The following FAF1 variants were observed in gnomAD, a reference collection of about 807,000 sequenced individuals.
FAF1 encodes the protein Fas associated factor 1.
A neutral mutation model predicts 92.5 loss-of-function variants in FAF1; 25 were observed. That is an observed-to-expected ratio of 0.27 (90% CI 0.20 to 0.38). The LOEUF (loss-of-function observed/expected upper bound fraction) is 0.38, where lower values mean the gene tolerates loss of function less well. Ranked by LOEUF, FAF1 falls within the 10% of genes least tolerant of loss-of-function variation. FAF1 has a pLI of 1.00. For missense variants in FAF1, 636 were observed against 793.3 expected (o/e 0.80, Z 2.38); for synonymous variants, 234 against 273.2 (o/e 0.86, Z 1.42).
chr1:50,507,332 G>C (rs913088876), intron 15 of FAF1, among the ~76,000 whole-genome samples: 16 of 152,160 alleles, frequency 1.1e-4, no homozygotes, highest in Non-Finnish European at 2.4e-4. Context: ...TGCCCCCAAA[G>C]CTAAATTGAT....
At chr1:50,470,695 A>G (rs1231270741) in intron 18 of FAF1, 1 of 152,304 alleles carries the variant, frequency 6.6e-6, no homozygotes, top group East Asian at 1.9e-4. Flanking sequence ...TATAACGCTT[A>G]CCACAACCCT....
intron 3 of FAF1, among the ~76,000 whole-genome samples, chr1:50,800,741 T>C (rs1166816961): frequency 6.6e-6 from 1 of 152,216 alleles, no homozygotes; most frequent in Non-Finnish European, 1.5e-5. Flanking sequence ...TCCTGATGTT[T>C]CTGCAAGAGT....
At chr1:50,915,547 T>C (rs906508825) in intron 1 of FAF1, among the ~76,000 whole-genome samples, 5 of 152,044 alleles carry the variant, frequency 3.3e-5, no homozygotes, top group African/African-American at 1.2e-4. Context: ...TAAGCTGATT[T>C]GCCCTGAAGA....
At chr1:50,746,274 ATATATATATATATATATATTTTTTTTT>A (rs1306121127) in intron 4 of FAF1, among the ~76,000 whole-genome samples, 25 of 18,246 alleles carry the variant, frequency 1.4e-3, no homozygotes, top group African/African-American at 6.0e-3. Context: ...ATATATATAT[ATATATATATATATATATATTTTTTTTT>A]TTTTTTTTTT....
At chr1:50,724,282 CACACACACACACAT>C (rs1231654348) in intron 6 of FAF1, among the ~76,000 whole-genome samples, 22 of 117,718 alleles carry the variant, frequency 1.9e-4, no homozygotes, top group African/African-American at 6.3e-4. Flanking sequence ...CATATACACA[CACACACACACACAT>C]ACACACACAC....
chr1:50,630,828 CTTTTTTTTTT>C (rs1052085908), intron 8 of FAF1, among the ~76,000 whole-genome samples: 84 of 102,530 alleles, frequency 8.2e-4, no homozygotes, highest in African/African-American at 2.9e-3. Context: ...TGTATCATAT[CTTTTTTTTTT>C]TTTTTTTTTT....
chr1:50,951,107 G>A (rs1244993255), intron 1 of FAF1, among the ~76,000 whole-genome samples: 4 of 152,182 alleles, frequency 2.6e-5, no homozygotes, highest in South Asian at 2.1e-4. Context: ...GGTGGCACAC[G>A]CCTGTAATCC....
At chr1:50,637,899 C>A (rs1654134074) in intron 8 of FAF1, among the ~76,000 whole-genome samples, 1 of 150,690 alleles carries the variant, frequency 6.6e-6, no homozygotes, top group Non-Finnish European at 1.5e-5. Context: ...CATCTCTGAT[C>A]TAAGATAAAT....
intron 13 of FAF1, among the ~76,000 whole-genome samples, chr1:50,553,199 T>C (rs958700059): frequency 4.6e-5 from 7 of 152,154 alleles, no homozygotes; most frequent in Admixed American, 3.9e-4. Context: ...CCAGTGATAC[T>C]TGAACAAATA....
chr1:50,786,490 T>C (rs1247296422), intron 4 of FAF1, among the ~76,000 whole-genome samples: 1 of 151,940 alleles, frequency 6.6e-6, no homozygotes, highest in East Asian at 1.9e-4. Context: ...GGGTACAGAG[T>C]TTCAGTTATG....
chr1:50,528,843 G>A (rs1408753731), intron 15 of FAF1, among the ~76,000 whole-genome samples: 6 of 152,104 alleles, frequency 3.9e-5, no homozygotes, highest in South Asian at 2.1e-4. Flanking sequence ...CCTGCTCTAC[G>A]TGAAGGTGAC....
chr1:50,948,659 A>T (rs183341176), intron 1 of FAF1, among the ~76,000 whole-genome samples: 1 of 151,800 alleles, frequency 6.6e-6, no homozygotes, highest in Non-Finnish European at 1.5e-5. Context: ...CAGCCTCCCA[A>T]GTAGCTGGGA....
chr1:50,441,375 A>C lies in FAF1; in HGVS notation c.*65T>G. 1 of 1,004,000 alleles carries C rather than the reference A, an allele frequency of 1.0e-6. No homozygotes were observed. Among genetic ancestry groups the C allele is most frequent in the East Asian group, 2.8e-5 (1 of 35,544 alleles). 62.2% of individuals were successfully genotyped at this position (1,004,000 alleles called of 1,614,324 possible). A position where few individuals can be genotyped will look rare whatever the true frequency, so the allele number is the denominator to read the frequency against. ...CGAGCGTGTGGGTGGGTTGGCGAGGAGCCCTTCTCCTGACGCAGGCTGCTG... is the reference window on the plus strand; with the variant it reads ...CGAGCGTGTGGGTGGGTTGGCGAGGCGCCCTTCTCCTGACGCAGGCTGCTG... On this transcript the variant is annotated 3_prime_UTR_variant, in exon 19 of 19. Coordinates refer to ENST00000396153, the MANE Select transcript of FAF1 (RefSeq NM_007051.3).
intron 1 of FAF1, among the ~76,000 whole-genome samples, chr1:50,885,314 A>ACT (rs1644650993): frequency 1.2e-5 from 1 of 83,658 alleles, no homozygotes; most frequent in Non-Finnish European, 2.5e-5. Context: ...TCTCTCTCTC[A>ACT]CACACACACA....
At chr1:50,876,874 G>A (rs904269651) in intron 1 of FAF1, among the ~76,000 whole-genome samples, 2 of 152,226 alleles carry the variant, frequency 1.3e-5, no homozygotes, top group South Asian at 2.1e-4. Context: ...ATGAGCCACC[G>A]CACCCAGCCA....
At chr1:50,848,394 ATT>A (rs1309891435) in intron 2 of FAF1, among the ~76,000 whole-genome samples, 2 of 152,240 alleles carry the variant, frequency 1.3e-5, no homozygotes, top group African/African-American at 4.8e-5. Context: ...AATCTGTCTG[ATT>A]ATATTGTGAA....
chr1:50,814,708 A>G (rs1027978800), intron 2 of FAF1, among the ~76,000 whole-genome samples: 3 of 152,236 alleles, frequency 2.0e-5, no homozygotes, highest in Non-Finnish European at 2.9e-5. Context: ...CTCCAAAGAC[A>G]TACAAATGGC....
intron 18 of FAF1, among the ~76,000 whole-genome samples, chr1:50,470,563 C>A (rs899690664): frequency 6.6e-6 from 1 of 152,206 alleles, no homozygotes; most frequent in Non-Finnish European, 1.5e-5. Context: ...AGAAAGAATT[C>A]ACTGCTGCCA....
chr1:50,920,227 G>C (rs531486933), intron 1 of FAF1, among the ~76,000 whole-genome samples: 2 of 151,964 alleles, frequency 1.3e-5, no homozygotes, highest in African/African-American at 4.8e-5. Context: ...CTTGAGCCTG[G>C]GGGGCAGAGG....
Sources: allele counts gnomAD v4.1 joint callset (sites outside exome capture counted in the v4.1 genomes callset), GRCh38; gene constraint gnomAD v4.1.1; transcripts MANE v1.5; gene names NCBI Gene and HGNC (gene_info 2026-07-23, HGNC 2026-07-21).